ZNF654: variants seen among roughly 807,000 people sequenced by gnomAD.
ZNF654 encodes zinc finger protein 654, also known as melanoma-associated antigen.
In ZNF654, 19 loss-of-function variants were observed where a neutral mutation model predicts 95.3. The observed-to-expected ratio is 0.20, with a 90% CI of 0.14 to 0.29. The LOEUF (loss-of-function observed/expected upper bound fraction) is 0.29. ZNF654 is among the 10% of genes least tolerant of loss of function. The probability of loss-of-function intolerance (pLI) is 1.00; values close to 1 mark genes in which losing one functional copy is unlikely to be tolerated. For synonymous variants in ZNF654, 413 were observed against 457.9 expected, an observed-to-expected ratio of 0.90 and a Z score of 1.25; for missense variants, 1,046 against 1,341.0, an observed-to-expected ratio of 0.78 and a Z score of 3.44.
At chr3:88,104,006 C>T (rs960613425) in intron 2 of ZNF654, among the ~76,000 whole-genome samples, 13 of 151,984 alleles carry the variant, frequency 8.6e-5, no homozygotes, top group African/African-American at 2.9e-4. Flanking sequence ...AGGCGATCCA[C>T]CTGCCTCGGC....
chr3:88,097,568 C>A (rs1290441623), intron 2 of ZNF654, among the ~76,000 whole-genome samples: 1 of 152,078 alleles, frequency 6.6e-6, no homozygotes, highest in Admixed American at 6.6e-5. Context: ...CCAAAATTGA[C>A]CACATAATTG....
chr3:88,133,409 G>C (rs1199689744), intron 6 of ZNF654, among the ~76,000 whole-genome samples: 1 of 151,812 alleles, frequency 6.6e-6, no homozygotes, highest in Non-Finnish European at 1.5e-5. Context: ...TGGGGAAATA[G>C]GTAGGATCGA....
chr3:88,063,397 A>G (rs1486508308), intron 1 of ZNF654, among the ~76,000 whole-genome samples: 2 of 152,196 alleles, frequency 1.3e-5, no homozygotes, highest in African/African-American at 4.8e-5. Flanking sequence ...TAGGTGCCTT[A>G]AGAGATGGTA....
At chr3:88,087,797 T>C (rs1225162894) in intron 2 of ZNF654, among the ~76,000 whole-genome samples, 3 of 152,214 alleles carry the variant, frequency 2.0e-5, no homozygotes, top group Non-Finnish European at 2.9e-5. Flanking sequence ...TTTTTTAATG[T>C]AGTTCAATCA....
chr3:88,118,838 C>T (rs578102302), intron 3 of ZNF654, among the ~76,000 whole-genome samples: 1 of 152,098 alleles, frequency 6.6e-6, no homozygotes, highest in East Asian at 1.9e-4. Flanking sequence ...CAATGAGATA[C>T]CATCTCACAC....
chr3:88,074,587 C>G (rs546372058), intron 1 of ZNF654, among the ~76,000 whole-genome samples: 1 of 152,244 alleles, frequency 6.6e-6, no homozygotes, highest in East Asian at 1.9e-4. Context: ...AGTGATCCGC[C>G]TGCCTCGGCC....
intron 2 of ZNF654, among the ~76,000 whole-genome samples, chr3:88,109,723 A>G (rs1202026782): frequency 1.3e-5 from 2 of 152,180 alleles, no homozygotes; most frequent in Non-Finnish European, 2.9e-5. Flanking sequence ...AATTATTTCA[A>G]TTTAGGTAAG....
rs1319101990 is a variant in ZNF654, at chr3:88,095,658, T to G, written c.332+9256T>G. 6.2e-6 allele frequency: 3 copies of G among 480,824 alleles called. No individual in the cohort carries two copies. In the East Asian group the frequency reaches 1.8e-4, roughly 29 times the overall value. The allele number at this position is 480,824 out of a possible 1,614,324, so 29.8% of individuals were successfully genotyped here. A position where few individuals can be genotyped will look rare whatever the true frequency, so the allele number is the denominator to read the frequency against. ...GCCCCAAGCAATATCATCACTCTGT[T>G]CTCTTTTTTGGACTTGATACTGTCA... is the stretch of plus-strand genomic sequence containing the variant. On this transcript the variant is annotated intron_variant, in intron 2 of 8. Coordinates refer to ENST00000636215, the MANE Select transcript of ZNF654 (RefSeq NM_001350134.2).
rs1706091256 is a variant in ZNF654, at chr3:88,126,273, C to A, written c.550+4C>A. 1 of 1,478,008 alleles carries A rather than the reference C, an allele frequency of 6.8e-7. No homozygotes were observed. Among genetic ancestry groups the A allele is most frequent in the African/African-American group, 1.4e-5 (1 of 71,130 alleles). 91.6% of individuals were successfully genotyped at this position (1,478,008 alleles called of 1,614,324 possible). ...CAGCCAGCATCTCAGGAGATAGGTACTTCAGGAGATTCAAAATCAAACCAA... is the reference window on the plus strand; with the variant it reads ...CAGCCAGCATCTCAGGAGATAGGTAATTCAGGAGATTCAAAATCAAACCAA... On this transcript the variant is annotated splice_donor_region_variant and intron_variant, in intron 4 of 8. Coordinates refer to ENST00000636215, the MANE Select transcript of ZNF654 (RefSeq NM_001350134.2).
At chr3:88,095,545 C>T in intron 2 of ZNF654, 1 of 510,190 alleles carries the variant, frequency 2.0e-6, no homozygotes. Flanking sequence ...AGGTCTGCTT[C>T]ATCTGTCTTT....
chr3:88,088,241 G>GCTCC (rs370487748), intron 2 of ZNF654, among the ~76,000 whole-genome samples: 3 of 151,980 alleles, frequency 2.0e-5, no homozygotes, highest in African/African-American at 7.2e-5. Context: ...TGCTCATAGG[G>GCTCC]CTCCCAATTA....
At chr3:88,101,545 A>G (rs552238971) in intron 2 of ZNF654, among the ~76,000 whole-genome samples, 2 of 152,202 alleles carry the variant, frequency 1.3e-5, no homozygotes, top group East Asian at 3.9e-4. Context: ...TTTGTGCTTC[A>G]TAGATTTCAG....
At chr3:88,087,666 C>T (rs368078611) in intron 2 of ZNF654, among the ~76,000 whole-genome samples, 20 of 152,304 alleles carry the variant, frequency 1.3e-4, no homozygotes, top group African/African-American at 4.6e-4. Flanking sequence ...CACACCACAA[C>T]AGTGGCTTAT....
chr3:88,125,732 G>A (rs1360584016), intron 3 of ZNF654, among the ~76,000 whole-genome samples: 1 of 152,042 alleles, frequency 6.6e-6, no homozygotes, highest in Non-Finnish European at 1.5e-5. Flanking sequence ...GACACCCCAC[G>A]CCCCCTGCCC....
In ZNF654 at chr3:88,139,862, G is replaced by A. The variant is rs1707013005; in HGVS notation, c.2193G>A (p.Val731=). The change falls in exon 8 of 9, where the codon GTG becomes GTA. Residue 731 remains valine, a synonymous_variant. Coordinates refer to ENST00000636215, the MANE Select transcript of ZNF654 (RefSeq NM_001350134.2). Reference sequence around the variant, plus strand: ...TAATTCATAAAATCAATGGAACTGTGTGCCATCCAAAAGACATATATGCCA... The same window carrying A: ...TAATTCATAAAATCAATGGAACTGTATGCCATCCAAAAGACATATATGCCA... ...TSVIHKINGT[V]CHPKDIYATD... is the part of the protein sequence containing the mutation. 2 of 1,602,294 alleles carry A rather than the reference G, an allele frequency of 1.2e-6. No homozygotes were observed. The highest frequency in any genetic ancestry group is 2.2e-5 in the East Asian group (1 of 44,586).
intron 1 of ZNF654, among the ~76,000 whole-genome samples, chr3:88,066,328 CT>C (rs1209084170): frequency 6.6e-6 from 1 of 152,058 alleles, no homozygotes; most frequent in African/African-American, 2.4e-5. Context: ...AATTCCAGCA[CT>C]TTGGGAGTCC....
At chr3:88,087,958 GT>G (rs1468289287) in intron 2 of ZNF654, among the ~76,000 whole-genome samples, 2 of 152,088 alleles carry the variant, frequency 1.3e-5, no homozygotes, top group African/African-American at 4.8e-5. Context: ...TCATTGGAAC[GT>G]TACAGATTTC....
chr3:88,071,758 C>T (rs565644886), intron 1 of ZNF654, among the ~76,000 whole-genome samples: 5 of 152,148 alleles, frequency 3.3e-5, no homozygotes, highest in Admixed American at 6.5e-5. Flanking sequence ...GAGCTGAGAT[C>T]GTACCATTGC....
intron 3 of ZNF654, among the ~76,000 whole-genome samples, chr3:88,122,899 A>G (rs1705858781): frequency 6.6e-6 from 1 of 151,286 alleles, no homozygotes; most frequent in Non-Finnish European, 1.5e-5. Context: ...AATCTCAGCT[A>G]CTCAGGAGGG....
Sources: allele counts gnomAD v4.1 joint callset (sites outside exome capture counted in the v4.1 genomes callset), GRCh38; gene constraint gnomAD v4.1.1; transcripts MANE v1.5; gene names NCBI Gene and HGNC (gene_info 2026-07-23, HGNC 2026-07-21).